The following PHF24 variants were observed in gnomAD, a reference collection of about 807,000 sequenced individuals.
The protein encoded by PHF24 is Galpha inhibitory interacting protein.
PHF24 carries 25 observed loss-of-function variants against 42.6 expected under a neutral mutation model. That is an observed-to-expected ratio of 0.59 (90% CI 0.43 to 0.82). PHF24 has a LOEUF of 0.82. PHF24 is among the 40% of genes least tolerant of loss of function. PHF24 has a pLI of 0.00. For synonymous variants in PHF24, 185 were observed against 204.8 expected (o/e 0.90, Z 0.83); for missense variants, 470 against 538.1 (o/e 0.87, Z 1.25).
chr9:34,773,634 C>T, the PHF24 span, among the ~76,000 whole-genome samples: 5 of 151,992 alleles, frequency 3.3e-5, no homozygotes, highest in African/African-American at 4.8e-5. Context: ...AATAAGTAAA[C>T]GGGAGAGAAG....
At chr9:34,712,781 G>A in the PHF24 span, among the ~76,000 whole-genome samples, 6 of 151,660 alleles carry the variant, frequency 4.0e-5, no homozygotes, top group Non-Finnish European at 8.8e-5. Context: ...TTAATTTGAG[G>A]TCATAATAAA....
chr9:34,815,218 A>G, the PHF24 span, among the ~76,000 whole-genome samples: 1 of 152,152 alleles, frequency 6.6e-6, no homozygotes, highest in Non-Finnish European at 1.5e-5. Flanking sequence ...CTTCCGCACA[A>G]TTTCCTCCCA....
At chr9:34,872,371 A>C in the PHF24 span, among the ~76,000 whole-genome samples, 1 of 94,592 alleles carries the variant, frequency 1.1e-5, no homozygotes, top group Non-Finnish European at 2.0e-5. Context: ...CCCACCCCAC[A>C]ACAGTCCCCA....
the PHF24 span, among the ~76,000 whole-genome samples, chr9:34,713,218 G>T: frequency 6.6e-6 from 1 of 152,060 alleles, no homozygotes; most frequent in Non-Finnish European, 1.5e-5. Context: ...TTCCTTCCCC[G>T]CAAAAAGATT....
At chr9:34,966,325 A>C (rs1248501440) in intron 1 of PHF24, among the ~76,000 whole-genome samples, 1 of 152,188 alleles carries the variant, frequency 6.6e-6, no homozygotes, top group African/African-American at 2.4e-5. Flanking sequence ...TCTGGCTGGA[A>C]CCTATAATCC....
the PHF24 span, among the ~76,000 whole-genome samples, chr9:34,940,387 A>G: frequency 7.9e-4 from 119 of 151,168 alleles, no homozygotes; most frequent in Non-Finnish European, 1.2e-3. Flanking sequence ...TGCTCCTCTC[A>G]GGTTTGTTTT....
the PHF24 span, among the ~76,000 whole-genome samples, chr9:34,806,949 T>C: frequency 6.6e-6 from 1 of 152,222 alleles, no homozygotes; most frequent in African/African-American, 2.4e-5. Context: ...GTTGTTTAAG[T>C]GGATTCCTTA....
the PHF24 span, chr9:34,918,037 G>A: frequency 7.7e-7 from 1 of 1,295,176 alleles, no homozygotes; most frequent in Admixed American, 1.7e-5. Flanking sequence ...ATCTGTGCCT[G>A]TGATCCCAAA....
At chr9:34,854,399 G>T in the PHF24 span, among the ~76,000 whole-genome samples, 1 of 151,892 alleles carries the variant, frequency 6.6e-6, no homozygotes, top group East Asian at 1.9e-4. Flanking sequence ...CTAGCTTTTT[G>T]ATGTGGGCAT....
the PHF24 span, among the ~76,000 whole-genome samples, chr9:34,764,990 T>G: frequency 2.7e-3 from 406 of 152,270 alleles, 1 homozygote; most frequent in African/African-American, 9.5e-3. Flanking sequence ...GTTGTTCAGT[T>G]TCCATGTAGT....
the PHF24 span, among the ~76,000 whole-genome samples, chr9:34,939,312 T>G: frequency 6.6e-6 from 1 of 152,142 alleles, no homozygotes; most frequent in Non-Finnish European, 1.5e-5. Context: ...ATGGGTAAAT[T>G]TATACCTATG....
the PHF24 span, chr9:34,835,671 C>A: frequency 6.4e-7 from 1 of 1,551,356 alleles, no homozygotes; most frequent in Non-Finnish European, 8.7e-7. Flanking sequence ...GCACAGCTGG[C>A]ACTTGAAATT....
the PHF24 span, chr9:34,723,928 A>G: frequency 6.4e-7 from 1 of 1,551,532 alleles, no homozygotes; most frequent in South Asian, 1.2e-5. Context: ...GATCAGCAAG[A>G]TGAAAGCTAC....
At chr9:34,850,514 T>G in the PHF24 span, among the ~76,000 whole-genome samples, 2 of 152,350 alleles carry the variant, frequency 1.3e-5, no homozygotes, top group South Asian at 4.1e-4. Context: ...TAAATTTTTT[T>G]CAAAGTTTTC....
chr9:34,917,599 G>A, the PHF24 span: 1 of 775,594 alleles, frequency 1.3e-6, no homozygotes, highest in Non-Finnish European at 2.4e-6. Context: ...CCCTCATGGG[G>A]ACAAATGGCC....
At chr9:34,789,297 G>T in the PHF24 span, among the ~76,000 whole-genome samples, 36 of 152,202 alleles carry the variant, frequency 2.4e-4, no homozygotes, top group African/African-American at 8.4e-4. Flanking sequence ...CTTTAAGAGT[G>T]TACTGACTCT....
the PHF24 span, among the ~76,000 whole-genome samples, chr9:34,698,994 C>T: frequency 6.6e-6 from 1 of 152,324 alleles, no homozygotes; most frequent in Admixed American, 6.5e-5. Flanking sequence ...TGAAAAGCAG[C>T]TCTTGATAGG....
the PHF24 span, among the ~76,000 whole-genome samples, chr9:34,886,783 C>G: frequency 0.014 from 1,011 of 72,702 alleles, 1 homozygote; most frequent in African/African-American, 0.028. Context: ...TGTCTGTCTA[C>G]TCTGTCTATC....
the PHF24 span, among the ~76,000 whole-genome samples, chr9:34,700,474 A>G: frequency 1.3e-5 from 2 of 152,186 alleles, no homozygotes; most frequent in Admixed American, 1.3e-4. Context: ...AGGAGAGAAT[A>G]CTGCAAAATT....
Sources: allele counts gnomAD v4.1 joint callset (sites outside exome capture counted in the v4.1 genomes callset), GRCh38; gene constraint gnomAD v4.1.1; transcripts MANE v1.5; gene names NCBI Gene and HGNC (gene_info 2026-07-23, HGNC 2026-07-21).